Variants in RAB38 observed in about 807,000 individuals in gnomAD.
RAB38 encodes the protein RAB38, member RAS oncogene family.
In RAB38, 15 loss-of-function variants were observed where a neutral mutation model predicts 18.4. The ratio of observed to expected loss-of-function variants is 0.82; its 90% CI spans 0.55 to 1.26. The LOEUF is 1.26. Ranked by LOEUF, RAB38 falls within the 50% of genes most tolerant of loss-of-function variation. RAB38 has a pLI of 0.00. For synonymous variants in RAB38, 101 were observed against 104.4 expected (o/e 0.97, Z 0.20); for missense variants, 294 against 267.4 (o/e 1.10, Z -0.69).
intron 2 of RAB38, among the ~76,000 whole-genome samples, chr11:88,138,347 C>G (rs59040874): frequency 0.059 from 9,027 of 152,136 alleles, 361 homozygotes; most frequent in East Asian, 0.16. Context: ...ATATAAACCA[C>G]GATTTTTGTC....
the RAB38 span, among the ~76,000 whole-genome samples, chr11:87,878,287 TATCTATCTATCTACCTATC>T: frequency 1.7e-4 from 24 of 142,566 alleles, no homozygotes; most frequent in African/African-American, 5.0e-4. Flanking sequence ...TCTATCTATC[TATCTATCTATCTACCTATC>T]ATCTATCTAT....
the RAB38 span, among the ~76,000 whole-genome samples, chr11:87,942,925 G>A: frequency 6.6e-6 from 1 of 152,164 alleles, no homozygotes; most frequent in African/African-American, 2.4e-5. Flanking sequence ...ATGACTTGCT[G>A]AGTTGGCTGC....
chr11:88,024,014 G>A, the RAB38 span, among the ~76,000 whole-genome samples: 1 of 152,012 alleles, frequency 6.6e-6, no homozygotes, highest in Non-Finnish European at 1.5e-5. Context: ...TACCCCACAA[G>A]CACAGGCTAC....
intron 1 of RAB38, chr11:88,165,656 CA>C (rs1271787784): frequency 2.0e-5 from 3 of 152,104 alleles, no homozygotes; most frequent in African/African-American, 7.2e-5. Flanking sequence ...ACACAAACTA[CA>C]AAAAGTAGAG....
the RAB38 span, among the ~76,000 whole-genome samples, chr11:87,898,858 A>C: frequency 6.6e-6 from 1 of 151,646 alleles, no homozygotes; most frequent in Non-Finnish European, 1.5e-5. Context: ...ATGTGTCCAT[A>C]AGACAAACTA....
the RAB38 span, among the ~76,000 whole-genome samples, chr11:87,964,726 A>T: frequency 0.058 from 8,815 of 151,902 alleles, 294 homozygotes; most frequent in East Asian, 0.15. Context: ...AAAAAAAATT[A>T]AAAAAAATTG....
intron 1 of RAB38, among the ~76,000 whole-genome samples, chr11:88,152,070 T>A (rs1230513541): frequency 1.3e-5 from 2 of 152,214 alleles, no homozygotes; most frequent in Admixed American, 1.3e-4. Flanking sequence ...AATTTCTTTT[T>A]TTCTTTTTAA....
At chr11:88,046,487 T>G in the RAB38 span, among the ~76,000 whole-genome samples, 4 of 152,322 alleles carry the variant, frequency 2.6e-5, no homozygotes, top group African/African-American at 7.2e-5. Flanking sequence ...CTCTCTTTGC[T>G]TTCACTTGTA....
the RAB38 span, among the ~76,000 whole-genome samples, chr11:87,966,100 G>A: frequency 1.3e-5 from 2 of 152,110 alleles, no homozygotes; most frequent in East Asian, 3.9e-4. Flanking sequence ...CAAAGACAGA[G>A]GATAGGGGCA....
chr11:88,014,784 G>A, the RAB38 span, among the ~76,000 whole-genome samples: 1 of 152,060 alleles, frequency 6.6e-6, no homozygotes, highest in Admixed American at 6.6e-5. Flanking sequence ...CTCTTGATGT[G>A]CAATAAGGCC....
At chr11:88,037,894 C>T in the RAB38 span, among the ~76,000 whole-genome samples, 3 of 151,890 alleles carry the variant, frequency 2.0e-5, no homozygotes, top group Non-Finnish European at 4.4e-5. Flanking sequence ...GAGTTGTTTG[C>T]CTTCTTATTA....
chr11:87,819,672 A>G, the RAB38 span, among the ~76,000 whole-genome samples: 1 of 148,454 alleles, frequency 6.7e-6, no homozygotes, highest in Non-Finnish European at 1.5e-5. Context: ...ATATATATAT[A>G]TATGTGTATA....
chr11:88,175,385 C>T lies in RAB38; in HGVS notation c.-1G>A. On this transcript the variant is annotated 5_prime_UTR_variant, in exon 1 of 3. Coordinates refer to ENST00000243662, the MANE Select transcript of RAB38 (RefSeq NM_022337.3). ...GGTGCTCCTTGTGCGGGGCCTGCATCCTGGCGGCCGGCCAGACGTGCCGTG... is the reference window on the plus strand; with the variant it reads ...GGTGCTCCTTGTGCGGGGCCTGCATTCTGGCGGCCGGCCAGACGTGCCGTG... The T allele has an allele frequency of 6.2e-7, 1 of 1,614,094 alleles. No homozygotes were observed. The highest frequency in any genetic ancestry group is 1.1e-5 in the South Asian group (1 of 91,088).
the RAB38 span, among the ~76,000 whole-genome samples, chr11:88,105,547 C>G: frequency 1.3e-5 from 2 of 152,270 alleles, no homozygotes; most frequent in South Asian, 4.1e-4. Context: ...CTAAGAGATT[C>G]AGATGGGATC....
the RAB38 span, among the ~76,000 whole-genome samples, chr11:88,003,859 TAAATATA>T: frequency 1.1e-3 from 2 of 1,812 alleles, 1 homozygote; most frequent in South Asian, 0.05. Context: ...TATAATTATA[TAAATATA>T]ATTATATATT....
chr11:88,029,529 A>G, the RAB38 span, among the ~76,000 whole-genome samples: 1 of 152,208 alleles, frequency 6.6e-6, no homozygotes, highest in Non-Finnish European at 1.5e-5. Flanking sequence ...AAAAGGATGG[A>G]GGAAGATCTA....
the RAB38 span, among the ~76,000 whole-genome samples, chr11:87,808,856 T>C: frequency 6.6e-6 from 1 of 152,298 alleles, no homozygotes; most frequent in Non-Finnish European, 1.5e-5. Flanking sequence ...TGATAAAGTA[T>C]TCTAATTCCT....
At chr11:87,810,116 A>T in the RAB38 span, among the ~76,000 whole-genome samples, 2 of 152,170 alleles carry the variant, frequency 1.3e-5, no homozygotes, top group Non-Finnish European at 2.9e-5. Context: ...GACACAGAGG[A>T]GATAGGAGAT....
the RAB38 span, among the ~76,000 whole-genome samples, chr11:88,029,308 G>T: frequency 7.9e-5 from 12 of 151,692 alleles, no homozygotes; most frequent in Non-Finnish European, 1.6e-4. Context: ...AGACTAGGAA[G>T]AAACTGCATC....
Sources: allele counts gnomAD v4.1 joint callset (sites outside exome capture counted in the v4.1 genomes callset), GRCh38; gene constraint gnomAD v4.1.1; transcripts MANE v1.5; gene names NCBI Gene and HGNC (gene_info 2026-07-23, HGNC 2026-07-21).